CDK14: variants seen among roughly 807,000 people sequenced by gnomAD.
The protein encoded by CDK14 is cyclin dependent kinase 14.
Under a neutral mutation model 60.7 loss-of-function variants are expected in CDK14, and 34 were observed. The ratio of observed to expected loss-of-function variants is 0.56; its 90% CI spans 0.43 to 0.75. CDK14 has a LOEUF of 0.75. CDK14 is among the 30% of genes least tolerant of loss of function. The pLI is 0.00. For synonymous variants in CDK14, 197 were observed against 203.7 expected (o/e 0.97, Z 0.28); for missense variants, 482 against 564.1 (o/e 0.85, Z 1.47).
At chr7:90,922,385 A>G (rs1793278798) in intron 8 of CDK14, among the ~76,000 whole-genome samples, 1 of 152,060 alleles carries the variant, frequency 6.6e-6, no homozygotes, top group East Asian at 1.9e-4. Context: ...CAAAGAATGT[A>G]TTTAGAATAA....
intron 3 of CDK14, among the ~76,000 whole-genome samples, chr7:90,741,858 A>G (rs1159368787): frequency 6.6e-6 from 1 of 152,116 alleles, no homozygotes; most frequent in Non-Finnish European, 1.5e-5. Flanking sequence ...TTACTAGGTT[A>G]CATAATTTTT....
At chr7:90,641,657 G>C (rs1800337469) in intron 2 of CDK14, among the ~76,000 whole-genome samples, 1 of 104,590 alleles carries the variant, frequency 9.6e-6, no homozygotes, top group African/African-American at 3.4e-5. Flanking sequence ...GGGGTGGGGT[G>C]GGGGATTGAC....
At chr7:90,870,589 C>T (rs1334369673) in intron 6 of CDK14, among the ~76,000 whole-genome samples, 3 of 152,134 alleles carry the variant, frequency 2.0e-5, no homozygotes, top group Admixed American at 2.0e-4. Flanking sequence ...GCTTTTCCAC[C>T]ATGCCCTAAG....
intron 2 of CDK14, among the ~76,000 whole-genome samples, chr7:90,708,737 T>C (rs1350598712): frequency 1.3e-5 from 2 of 152,232 alleles, no homozygotes; most frequent in East Asian, 1.9e-4. Context: ...CCACTTATCA[T>C]TGACACAGTA....
chr7:90,611,271 A>G (rs1859023), intron 2 of CDK14, among the ~76,000 whole-genome samples: 98,501 of 152,060 alleles, frequency 0.65, 32,038 homozygotes, highest in Middle Eastern at 0.75. Flanking sequence ...TCATGCTCTG[A>G]TTGAGTGGTT....
At chr7:90,700,353 A>T (rs939880123) in intron 2 of CDK14, among the ~76,000 whole-genome samples, 1 of 152,124 alleles carries the variant, frequency 6.6e-6, no homozygotes. Flanking sequence ...TGGCCTCCCA[A>T]AGTGCTAGGA....
chr7:91,104,910 A>C (rs141047709), intron 12 of CDK14, among the ~76,000 whole-genome samples: 2,476 of 152,304 alleles, frequency 0.016, 67 homozygotes, highest in African/African-American at 0.055. Context: ...GTAGGTGATT[A>C]TTTTGTGATT....
chr7:91,061,376 G>A (rs964324977), intron 11 of CDK14, among the ~76,000 whole-genome samples: 18 of 152,160 alleles, frequency 1.2e-4, no homozygotes, highest in African/African-American at 2.2e-4. Flanking sequence ...TAGTTTGATC[G>A]TCTGAAGCCT....
chr7:90,859,117 ATAGT>A (rs1279601980), intron 5 of CDK14, among the ~76,000 whole-genome samples: 2 of 152,220 alleles, frequency 1.3e-5, no homozygotes, highest in African/African-American at 4.8e-5. Context: ...CCTCTCTACC[ATAGT>A]TAGTGTCTAC....
At chr7:90,804,423 A>G (rs1788750130) in intron 5 of CDK14, among the ~76,000 whole-genome samples, 1 of 152,154 alleles carries the variant, frequency 6.6e-6, no homozygotes, top group Non-Finnish European at 1.5e-5. Flanking sequence ...ACCTTCTAAC[A>G]ATCACCCTTT....
intron 14 of CDK14, among the ~76,000 whole-genome samples, chr7:91,180,365 A>G (rs1801960480): frequency 6.6e-6 from 1 of 152,222 alleles, no homozygotes; most frequent in South Asian, 2.1e-4. Flanking sequence ...TTAAGGTAAT[A>G]TTTAATGATC....
At chr7:90,912,608 A>G (rs571604831) in intron 7 of CDK14, among the ~76,000 whole-genome samples, 5 of 152,076 alleles carry the variant, frequency 3.3e-5, no homozygotes, top group African/African-American at 1.2e-4. Flanking sequence ...TGTTTTGTTT[A>G]TTCATTTGTT....
At chr7:90,944,690 C>T (rs992139273) in intron 8 of CDK14, among the ~76,000 whole-genome samples, 2 of 152,220 alleles carry the variant, frequency 1.3e-5, no homozygotes, top group African/African-American at 4.8e-5. Flanking sequence ...TGTGATTGTG[C>T]CACAGCACTC....
At chr7:91,035,884 C>T (rs1474893605) in intron 10 of CDK14, among the ~76,000 whole-genome samples, 1 of 145,160 alleles carries the variant, frequency 6.9e-6, no homozygotes, top group Non-Finnish European at 1.5e-5. Context: ...TCGCCCAGGC[C>T]GGACTGCGGA....
chr7:90,744,669 G>A (rs1419816499), intron 3 of CDK14, among the ~76,000 whole-genome samples: 1 of 148,438 alleles, frequency 6.7e-6, no homozygotes, highest in African/African-American at 2.6e-5. Context: ...CCCGGACGGG[G>A]CGGCTGGCCG....
chr7:90,775,625 C>CTCCCTCCCCCTTCCCCTCCCCCTT (rs1804995585), intron 4 of CDK14, among the ~76,000 whole-genome samples: 1 of 49,544 alleles, frequency 2.0e-5, no homozygotes, highest in African/African-American at 7.8e-5. Flanking sequence ...ACCTCCTCCT[C>CTCCCTCCCCCTTCCCCTCCCCCTT]CCCCTCCCCC....
intron 3 of CDK14, among the ~76,000 whole-genome samples, chr7:90,744,514 T>A (rs1803495277): frequency 6.6e-6 from 1 of 152,218 alleles, no homozygotes; most frequent in Admixed American, 6.5e-5. Flanking sequence ...CCGTTCTCAA[T>A]GAGCTGTTGG....
intron 11 of CDK14, among the ~76,000 whole-genome samples, chr7:91,059,061 A>C (rs1439807852): frequency 2.6e-5 from 4 of 152,094 alleles, no homozygotes; most frequent in African/African-American, 9.7e-5. Context: ...GTAAGCTATT[A>C]ATTATTACTT....
intron 2 of CDK14, among the ~76,000 whole-genome samples, chr7:90,641,462 T>G (rs1239695123): frequency 6.6e-6 from 1 of 152,210 alleles, no homozygotes; most frequent in African/African-American, 2.4e-5. Flanking sequence ...GAAGTACTGA[T>G]AGATGCTGCA....
Sources: gnomAD v4.1 joint callset for allele counts (sites outside exome capture counted in the v4.1 genomes callset) on GRCh38, gnomAD v4.1.1 for gene constraint, MANE v1.5 for transcripts, NCBI Gene and HGNC (gene_info 2026-07-23, HGNC 2026-07-21) for gene names.